Variants in NBEA observed in about 807,000 individuals in gnomAD.
NBEA encodes the protein neurobeachin.
NBEA carries 44 observed loss-of-function variants against 343.4 expected under a neutral mutation model. The observed-to-expected ratio is 0.13, with a 90% CI of 0.10 to 0.16. The LOEUF is 0.16. NBEA is among the 10% of genes least tolerant of loss of function. NBEA has a pLI of 1.00. For missense variants in NBEA, 2,555 were observed against 3,631.3 expected (o/e 0.70, Z 7.62); for synonymous variants, 1,175 against 1,238.7 (o/e 0.95, Z 1.08).
intron 54 of NBEA, 117 bp from the exon 55 acceptor site, chr13:35,655,462 C>T: frequency 4.4e-6 from 5 of 1,130,906 alleles, no homozygotes; most frequent in Non-Finnish European, 6.2e-6. Context: ...TTTCACAAAA[C>T]TGGTAAAATA....
At chr13:35,155,892 G>A (rs1398706306) in intron 19 of NBEA, 37 bp downstream of exon 19, 1 of 1,565,196 alleles carries the variant, frequency 6.4e-7, no homozygotes, top group African/African-American at 1.4e-5. Context: ...ATTGTGGTAG[G>A]CGCATGGCAA....
chr13:35,537,591 A>G (rs2078623054), intron 41 of NBEA, among the ~76,000 whole-genome samples: 2 of 152,188 alleles, frequency 1.3e-5, no homozygotes, highest in Admixed American at 1.3e-4. Context: ...CATAGGTGCT[A>G]TGAGAGCGTA....
At position 35,352,311 on chromosome 13, in the gene NBEA, C is replaced by T; in HGVS notation, c.6167C>T (p.Ala2056Val). The change falls in exon 38 of 59, where the codon GCA becomes GTA. Residue 2056 changes from alanine to valine, a missense_variant. Around this residue, in one of 21 missense-constraint regions of NBEA, gnomAD observed 246 missense variants for 313.7 expected, o/e 0.78. Transcript: ENST00000379939. The stretch of plus-strand genomic sequence containing the variant: ...ACAAATAAACATGGTGCTTGGGGAG[C>T]AGTTTCTCATAGGTGAGTTATAATA... ...ILTNKHGAWG[A>V]VSHSQLHDFW... The T allele has an allele frequency of 6.7e-7, 1 of 1,491,814 alleles. No individual in the cohort carries two copies. The highest frequency in any genetic ancestry group is 9.0e-7 in the Non-Finnish European group (1 of 1,111,360). 92.4% of individuals were successfully genotyped at this position (1,491,814 alleles called of 1,614,324 possible).
At chr13:35,006,216 T>A (rs772968363) in intron 1 of NBEA, among the ~76,000 whole-genome samples, 3 of 152,056 alleles carry the variant, frequency 2.0e-5, no homozygotes, top group Non-Finnish European at 4.4e-5. Flanking sequence ...TCCCACTACT[T>A]TTGGATGTAC....
intron 1 of NBEA, among the ~76,000 whole-genome samples, chr13:34,991,349 C>T (rs2060742977): frequency 1.3e-5 from 2 of 152,156 alleles, no homozygotes; most frequent in Admixed American, 6.5e-5. Flanking sequence ...GTTCCACAGA[C>T]TGTACAGGAA....
chr13:35,112,895 C>A (rs568213913), intron 13 of NBEA, among the ~76,000 whole-genome samples: 2 of 152,046 alleles, frequency 1.3e-5, no homozygotes, highest in East Asian at 3.9e-4. Context: ...TGTTAAATAA[C>A]CAGAGGACAC....
At chr13:35,639,185 A>G (rs2083828070) in intron 49 of NBEA, among the ~76,000 whole-genome samples, 1 of 152,216 alleles carries the variant, frequency 6.6e-6, no homozygotes, top group South Asian at 2.1e-4. Context: ...TTATTCTCCT[A>G]TTTTGTGGTT....
At chr13:35,427,025 G>T (rs2044726492) in intron 38 of NBEA, among the ~76,000 whole-genome samples, 1 of 152,052 alleles carries the variant, frequency 6.6e-6, no homozygotes, top group African/African-American at 2.4e-5. Context: ...ATTCTAGTTA[G>T]CCATTCATCT....
intron 35 of NBEA, among the ~76,000 whole-genome samples, chr13:35,299,471 A>G (rs1010198917): frequency 1.3e-5 from 2 of 152,160 alleles, no homozygotes; most frequent in Admixed American, 6.5e-5. Context: ...TTTTATCGTC[A>G]TCCTTCTGGA....
chr13:35,374,232 A>G (rs1729946689), intron 38 of NBEA, among the ~76,000 whole-genome samples: 2 of 152,144 alleles, frequency 1.3e-5, no homozygotes, highest in Admixed American at 1.3e-4. Flanking sequence ...GGGGAGGCCC[A>G]AGAAGAAGGA....
intron 41 of NBEA, among the ~76,000 whole-genome samples, chr13:35,507,310 T>TTTTCCA (rs1566238989): frequency 6.6e-6 from 1 of 151,332 alleles, no homozygotes; most frequent in Non-Finnish European, 1.5e-5. Flanking sequence ...TTCTTGGACC[T>TTTTCCA]TTTTTTTTCT....
intron 17 of NBEA, among the ~76,000 whole-genome samples, chr13:35,125,700 G>C (rs1390829965): frequency 1.3e-5 from 2 of 152,028 alleles, no homozygotes; most frequent in Admixed American, 6.6e-5. Flanking sequence ...AGGTGAATCA[G>C]ATAAAAAACA....
intron 45 of NBEA, among the ~76,000 whole-genome samples, chr13:35,576,117 G>T (rs9565378): frequency 0.2 from 30,483 of 149,976 alleles, 3,205 homozygotes; most frequent in East Asian, 0.35. Flanking sequence ...TTTTGTTTTG[G>T]TTTGGTTTTT....
intron 38 of NBEA, among the ~76,000 whole-genome samples, chr13:35,423,626 G>A (rs935655080): frequency 6.9e-4 from 105 of 152,158 alleles, no homozygotes; most frequent in African/African-American, 2.3e-3. Context: ...TTGACTTGGC[G>A]ATGTGGGCTC....
chr13:35,480,016 C>G (rs1396552360), intron 41 of NBEA, among the ~76,000 whole-genome samples: 1 of 137,522 alleles, frequency 7.3e-6, no homozygotes, highest in Non-Finnish European at 1.5e-5. Context: ...ATTGCATTTA[C>G]TTAGTTTATG....
intron 40 of NBEA, among the ~76,000 whole-genome samples, chr13:35,468,466 C>G (rs2075494665): frequency 6.6e-6 from 1 of 152,218 alleles, no homozygotes; most frequent in African/African-American, 2.4e-5. Flanking sequence ...CTTTAGCATA[C>G]ATACATTTAG....
At chr13:35,519,681 G>T (rs1001634558) in intron 41 of NBEA, among the ~76,000 whole-genome samples, 1 of 151,452 alleles carries the variant, frequency 6.6e-6, no homozygotes, top group Non-Finnish European at 1.5e-5. Flanking sequence ...CTATTTATGG[G>T]GTACATGTGA....
chr13:35,116,713 T>A (rs2066508535), intron 13 of NBEA, among the ~76,000 whole-genome samples: 1 of 152,140 alleles, frequency 6.6e-6, no homozygotes, highest in Non-Finnish European at 1.5e-5. Flanking sequence ...ACAGGATTTT[T>A]ATGAATCTAG....
rs551358361 is a variant in NBEA, at chr13:35,029,560, G to A, written c.295-11373G>A. 2.6e-5 allele frequency among the ~76,000 whole-genome samples: 4 copies of A among 151,642 alleles called. No homozygotes were observed. In the East Asian group the frequency reaches 7.7e-4, roughly 29 times the overall value. On this transcript the variant is annotated intron_variant, in intron 1 of 58. Transcript: ENST00000379939. ...TTCTGAAAAGTGTTACCATTTTAGA[G>A]TTTATCCAAAATAACAAATTGCAAA...
Sources: allele counts gnomAD v4.1 joint callset (sites outside exome capture counted in the v4.1 genomes callset), GRCh38; gene constraint gnomAD v4.1.1; regional missense constraint gnomAD v4.1.1; transcripts MANE v1.5; gene names NCBI Gene and HGNC (gene_info 2026-07-23, HGNC 2026-07-21).